Variants in FAM135B observed in about 807,000 individuals in gnomAD.
The protein encoded by FAM135B is protein FAM135B.
A neutral mutation model predicts 127.7 loss-of-function variants in FAM135B; 43 were observed. That is an observed-to-expected ratio of 0.34 (90% CI 0.26 to 0.43). FAM135B has a LOEUF of 0.43. FAM135B is among the 20% of genes least tolerant of loss of function. The pLI, the probability that FAM135B is intolerant of heterozygous loss-of-function variation, is 1.00. For synonymous variants in FAM135B, 670 were observed against 665.1 expected (o/e 1.01, Z -0.11); for missense variants, 1,558 against 1,725.6 (o/e 0.90, Z 1.72).
chr8:138,329,844 T>C (rs1265087642), intron 2 of FAM135B, among the ~76,000 whole-genome samples: 5 of 152,158 alleles, frequency 3.3e-5, no homozygotes, highest in Non-Finnish European at 7.3e-5. Context: ...CTGGGTTCCA[T>C]GTAAGAAGAT....
At chr8:138,284,891 A>G (rs1002705959) in intron 3 of FAM135B, among the ~76,000 whole-genome samples, 1 of 151,918 alleles carries the variant, frequency 6.6e-6, no homozygotes, top group Non-Finnish European at 1.5e-5. Flanking sequence ...TGTTTGGCTC[A>G]AACAGATCTA....
intron 1 of FAM135B, among the ~76,000 whole-genome samples, chr8:138,397,131 G>T (rs1000857832): frequency 1.3e-5 from 2 of 152,168 alleles, no homozygotes; most frequent in African/African-American, 4.8e-5. Flanking sequence ...TGCTTTAGTA[G>T]ATTCAGGTAT....
At chr8:138,389,097 C>G (rs1041020374) in intron 1 of FAM135B, among the ~76,000 whole-genome samples, 1 of 152,136 alleles carries the variant, frequency 6.6e-6, no homozygotes, top group African/African-American at 2.4e-5. Flanking sequence ...AACACACACA[C>G]AATGAGATAT....
chr8:138,167,312 C>A (rs1015727637), intron 12 of FAM135B, among the ~76,000 whole-genome samples: 1 of 152,172 alleles, frequency 6.6e-6, no homozygotes, highest in African/African-American at 2.4e-5. Context: ...CCTCCTGCCT[C>A]AGCCTCCCAA....
At chr8:138,337,990 C>A (rs1587139889) in intron 2 of FAM135B, among the ~76,000 whole-genome samples, 1 of 152,082 alleles carries the variant, frequency 6.6e-6, no homozygotes, top group East Asian at 1.9e-4. Flanking sequence ...ACAAAACTGA[C>A]AAATACAAGA....
chr8:138,254,439 T>C (rs957627951), intron 5 of FAM135B, among the ~76,000 whole-genome samples: 1 of 152,144 alleles, frequency 6.6e-6, no homozygotes, highest in Non-Finnish European at 1.5e-5. Context: ...CATAAAGCTA[T>C]GAATGAATGT....
intron 1 of FAM135B, among the ~76,000 whole-genome samples, chr8:138,380,567 G>T (rs147749660): frequency 6.6e-6 from 1 of 151,998 alleles, no homozygotes; most frequent in Non-Finnish European, 1.5e-5. Context: ...TTGTCCACCC[G>T]CTCCTTACAC....
At chr8:138,278,885 C>T (rs898007613) in intron 3 of FAM135B, among the ~76,000 whole-genome samples, 3 of 152,114 alleles carry the variant, frequency 2.0e-5, no homozygotes, top group Non-Finnish European at 4.4e-5. Context: ...AAATCAATGC[C>T]TGTGACTCAC....
chr8:138,333,442 C>T (rs899942766), intron 2 of FAM135B, among the ~76,000 whole-genome samples: 2 of 152,150 alleles, frequency 1.3e-5, no homozygotes, highest in South Asian at 2.1e-4. Context: ...TTTGCACATG[C>T]CACTCCCCTA....
chr8:138,327,270 T>C (rs1307748241), intron 2 of FAM135B, among the ~76,000 whole-genome samples: 3 of 152,312 alleles, frequency 2.0e-5, no homozygotes, highest in African/African-American at 7.2e-5. Context: ...TTTACATTCA[T>C]TGTCACATTC....
Position 138,178,519 on chromosome 8 carries a change from G to A in FAM135B, c.1029+16C>T, listed in dbSNP as rs2130978542. 1 of 1,612,900 alleles carries A rather than the reference G, an allele frequency of 6.2e-7. No homozygotes were observed. The highest frequency in any genetic ancestry group is 8.5e-7 in the Non-Finnish European group (1 of 1,179,820). Reference sequence around the variant, plus strand: ...AATGCATGTGATCAGAGAATGCACAGCAGTTGGCCACTCACCCTCAGGGTG... The same window carrying A: ...AATGCATGTGATCAGAGAATGCACAACAGTTGGCCACTCACCCTCAGGGTG... On this transcript the variant is annotated intron_variant, in intron 10 of 19. Transcript: ENST00000395297.
chr8:138,279,010 A>G (rs1824057615), intron 3 of FAM135B, among the ~76,000 whole-genome samples: 1 of 152,152 alleles, frequency 6.6e-6, no homozygotes, highest in Non-Finnish European at 1.5e-5. Flanking sequence ...CTTCTTGCTG[A>G]TTAGACCTGG....
chr8:138,277,223 T>C (rs1823895290), intron 3 of FAM135B, among the ~76,000 whole-genome samples: 1 of 152,180 alleles, frequency 6.6e-6, no homozygotes, highest in Admixed American at 6.5e-5. Flanking sequence ...CTGACATTTT[T>C]CCTTCCCTTA....
At position 138,139,113 on chromosome 8, in the gene FAM135B, A is replaced by C; in HGVS notation, c.3791-17T>G. 6.5e-7 allele frequency: 1 copy of C among 1,543,848 alleles called. No individual in the cohort carries two copies. The highest frequency in any genetic ancestry group is 8.9e-7 in the Non-Finnish European group (1 of 1,122,856). ...GCCATAAGCCTAGGAAGACAAAAAC[A>C]AAATAAAAATCAAAAACACAAAACA... On this transcript the variant is annotated splice_polypyrimidine_tract_variant and intron_variant, in intron 17 of 19. Transcript: ENST00000395297.
chr8:138,449,868 C>T (rs1328510835), intron 1 of FAM135B, among the ~76,000 whole-genome samples: 1 of 152,074 alleles, frequency 6.6e-6, no homozygotes, highest in Non-Finnish European at 1.5e-5. Context: ...CTTCATCAAA[C>T]CCTAGATGTT....
At chr8:138,261,544 G>A (rs1822539049) in intron 4 of FAM135B, among the ~76,000 whole-genome samples, 2 of 152,058 alleles carry the variant, frequency 1.3e-5, no homozygotes, top group African/African-American at 4.8e-5. Context: ...CCTCCACTCT[G>A]CCCCATTCCA....
chr8:138,150,636 C>A (rs1162078532), intron 13 of FAM135B, among the ~76,000 whole-genome samples: 1 of 151,740 alleles, frequency 6.6e-6, no homozygotes, highest in African/African-American at 2.4e-5. Context: ...TCACTGCACT[C>A]CAGCCTGGCG....
intron 2 of FAM135B, among the ~76,000 whole-genome samples, chr8:138,353,407 C>A (rs1382649223): frequency 1.3e-5 from 2 of 152,106 alleles, no homozygotes; most frequent in Non-Finnish European, 2.9e-5. Flanking sequence ...GATTCCTCTG[C>A]AACATTTAGC....
At chr8:138,481,888 C>T (rs762120835) in intron 1 of FAM135B, among the ~76,000 whole-genome samples, 1 of 152,138 alleles carries the variant, frequency 6.6e-6, no homozygotes, top group African/African-American at 2.4e-5. Context: ...CAAGGCCAGA[C>T]CTAACTTTAG....
Sources: gnomAD v4.1 joint callset for allele counts (sites outside exome capture counted in the v4.1 genomes callset) on GRCh38, gnomAD v4.1.1 for gene constraint, MANE v1.5 for transcripts, NCBI Gene and HGNC (gene_info 2026-07-23, HGNC 2026-07-21) for gene names.